Variants in PLAGL1 observed in about 807,000 individuals in gnomAD.
PLAGL1 encodes PLAG1 like zinc finger 1.
A neutral mutation model predicts 4.6 loss-of-function variants in PLAGL1; 1 was observed. That is an observed-to-expected ratio of 0.22 (90% CI 0.08 to 1.03). The LOEUF is 1.03. Ranked by LOEUF, PLAGL1 falls within the 50% of genes least tolerant of loss-of-function variation. The pLI is 0.58. For synonymous variants in PLAGL1, 240 were observed against 237.8 expected (o/e 1.01, Z -0.08); for missense variants, 464 against 570.4 (o/e 0.81, Z 1.90).
intron 1 of PLAGL1, among the ~76,000 whole-genome samples, chr6:143,996,403 T>G (rs1329555599): frequency 1.3e-5 from 2 of 152,220 alleles, no homozygotes; most frequent in East Asian, 3.8e-4. Flanking sequence ...TGGCAAAGAC[T>G]GCCAATTTTC....
rs1334842103 is a variant in PLAGL1 at position 143,975,185 on chromosome 6, T to G, written c.-543-6207A>C. 6.6e-6 allele frequency among the ~76,000 whole-genome samples: 1 copy of G among 152,172 alleles called. No homozygotes were observed. The highest frequency in any genetic ancestry group is 2.1e-4 in the South Asian group (1 of 4,826). On this transcript the variant is annotated intron_variant, in intron 2 of 7. Coordinates refer to ENST00000674357, the MANE Select transcript of PLAGL1 (RefSeq NM_001317162.2). The surrounding 1 kb of genome is among the most constrained non-coding windows in gnomAD (Gnocchi z 5.8). The stretch of plus-strand genomic sequence containing the variant: ...GCTGTTTCCATTACACCAGCTACCA[T>G]GTACTGGGGATATAATCATTCACTG...
Position 143,997,434 on chromosome 6 carries a change from G to GA in PLAGL1, c.-584+10655dup, listed in dbSNP as rs1791885290. On this transcript the variant is annotated intron_variant, in intron 1 of 7. Coordinates refer to ENST00000674357, the MANE Select transcript of PLAGL1 (RefSeq NM_001317162.2). The surrounding 1 kb of genome is among the most constrained non-coding windows in gnomAD (Gnocchi z 4.6). ...AATTGTGGTAATGGAGTCCTACTCAGAAAAAATACAAAAAGAACTACCTAT... is the reference window on the plus strand; with the variant it reads ...AATTGTGGTAATGGAGTCCTACTCAGAAAAAAATACAAAAAGAACTACCTAT... Among the ~76,000 whole-genome samples the GA allele has an allele frequency of 1.3e-5, 2 of 152,202 alleles. No individual in the cohort carries two copies. Among genetic ancestry groups the GA allele is most frequent in the South Asian group, 2.1e-4 (1 of 4,832 alleles).
intron 2 of PLAGL1, among the ~76,000 whole-genome samples, chr6:143,977,088 C>CG (rs1053801150): frequency 2.5e-4 from 37 of 146,816 alleles, no homozygotes; most frequent in African/African-American, 6.4e-4. Flanking sequence ...TCCCTTCCCC[C>CG]CCCCCAACAC....
At chr6:144,012,749 C>A (rs1292807668), upstream of PLAGL1, among the ~76,000 whole-genome samples, 2 of 152,210 alleles carry the variant, frequency 1.3e-5, no homozygotes, top group African/African-American at 4.8e-5. This position sits in a 1 kb window ranked among gnomAD's most constrained non-coding sequence, Gnocchi z 4.8. Flanking sequence ...CTCAATGACG[C>A]ATGCTTTGGC....
intron 1 of PLAGL1, among the ~76,000 whole-genome samples, chr6:144,046,960 G>A (rs552928778): frequency 5.9e-5 from 9 of 152,320 alleles, no homozygotes; most frequent in East Asian, 1.9e-4. Context: ...AGACTGCTGC[G>A]CTAGCAGTGA....
rs1268286885 is a variant in PLAGL1 at position 143,963,733 on chromosome 6, C to A, written c.-399+1054G>T. ...TGTTCTCAGAGATTAAGCTTTACAA[C>A]TTTATTGTCTCTCAAATCTATTTCC... On this transcript the variant is annotated intron_variant, in intron 5 of 7. Coordinates refer to ENST00000674357, the MANE Select transcript of PLAGL1 (RefSeq NM_001317162.2). This position sits in a 1 kb window ranked among gnomAD's most constrained non-coding sequence, Gnocchi z 6.1. Among the ~76,000 whole-genome samples, 2 of 152,200 alleles carry A rather than the reference C, an allele frequency of 1.3e-5. No homozygotes were observed. Among genetic ancestry groups the A allele is most frequent in the African/African-American group, 4.8e-5 (2 of 41,442 alleles).
rs1319611688 is a variant in PLAGL1 at position 144,034,946 on chromosome 6, C to G, written c.-151+29522G>C. Among the ~76,000 whole-genome samples, 1 of 152,114 alleles carries G rather than the reference C, an allele frequency of 6.6e-6. No homozygotes were observed. The highest frequency in any genetic ancestry group is 2.4e-5 in the African/African-American group (1 of 41,408). ...TTGGACAAAAATCTTTGAGTATTAA[C>G]TTGGAAATAAGGTAAATTGATGGAT... On this transcript the variant is annotated intron_variant, in intron 1 of 3. Coordinates refer to the PLAGL1 transcript ENST00000437412. This position sits in a 1 kb window ranked among gnomAD's most constrained non-coding sequence, Gnocchi z 4.7.
In PLAGL1 at chr6:143,963,244, A is replaced by G. The variant is rs1783739402; in HGVS notation, c.-399+1543T>C. 1.3e-5 allele frequency among the ~76,000 whole-genome samples: 2 copies of G among 152,346 alleles called. No homozygotes were observed. The highest frequency in any genetic ancestry group is 4.1e-4 in the South Asian group (2 of 4,826). ...AAGGTTACAATTACTCCTTGAAGTC[A>G]GAAGCCTCCCAAATCTCTATCTTCA... On this transcript the variant is annotated intron_variant, in intron 5 of 7. Coordinates refer to ENST00000674357, the MANE Select transcript of PLAGL1 (RefSeq NM_001317162.2). This position sits in a 1 kb window ranked among gnomAD's most constrained non-coding sequence, Gnocchi z 6.1.
chr6:144,002,486 T>A (rs960983844), intron 1 of PLAGL1, among the ~76,000 whole-genome samples: 10 of 152,112 alleles, frequency 6.6e-5, no homozygotes, highest in Non-Finnish European at 1.5e-4. Flanking sequence ...TTAAACCATT[T>A]TTTTTCCAGA....
At position 144,064,120 on chromosome 6, in the gene PLAGL1, C is replaced by G. The variant is rs897002551; in HGVS notation, c.-151+348G>C. Reference sequence around the variant, plus strand: ...CGCGCGGGGACAGTGGCCGGCGGGGCGGGCGCTAGGTGGCGGCTGTTCAGC... The same window carrying G: ...CGCGCGGGGACAGTGGCCGGCGGGGGGGGCGCTAGGTGGCGGCTGTTCAGC... On this transcript the variant is annotated intron_variant, in intron 1 of 3. Coordinates refer to the PLAGL1 transcript ENST00000437412. This position sits in a 1 kb window ranked among gnomAD's most constrained non-coding sequence, Gnocchi z 6.8. 1.2e-4 allele frequency among the ~76,000 whole-genome samples: 18 copies of G among 152,122 alleles called. No homozygotes were observed. The highest frequency in any genetic ancestry group is 2.1e-4 in the South Asian group (1 of 4,830).
At position 143,973,489 on chromosome 6, in the gene PLAGL1, C is replaced by T. The variant is rs1785811301; in HGVS notation, c.-543-4511G>A. On this transcript the variant is annotated intron_variant, in intron 2 of 7. Coordinates refer to ENST00000674357, the MANE Select transcript of PLAGL1 (RefSeq NM_001317162.2). The surrounding 1 kb of genome is among the most constrained non-coding windows in gnomAD (Gnocchi z 6.2). ...GGAGAAAACAAGCACGGGGGGAAGT[C>T]CTCTGCTTCTAGGGCCTGCTGAGCT... Among the ~76,000 whole-genome samples the T allele has an allele frequency of 6.6e-6, 1 of 152,146 alleles. No individual in the cohort carries two copies. Among genetic ancestry groups the T allele is most frequent in the Admixed American group, 6.5e-5 (1 of 15,272 alleles).
chr6:144,001,177 A>T (rs1434411614), intron 1 of PLAGL1, among the ~76,000 whole-genome samples: 3 of 107,960 alleles, frequency 2.8e-5, no homozygotes, highest in East Asian at 5.9e-4. Flanking sequence ...GAAATGATAA[A>T]AAAAAAAAAA....
chr6:144,061,107 G>GAC lies in PLAGL1; in HGVS notation c.-151+3359_-151+3360dup, dbSNP rs775587189. ...AATTGGAAGTGGAAAGGTACTGGGT[G>GAC]ACAGTGTGAGTAGAAGAGTTGTAAC... On this transcript the variant is annotated intron_variant, in intron 1 of 3. Transcript: ENST00000437412. The surrounding 1 kb of genome is among the most constrained non-coding windows in gnomAD (Gnocchi z 4.4). Among the ~76,000 whole-genome samples the GAC allele has an allele frequency of 7.2e-5, 11 of 152,252 alleles. No homozygotes were observed. Among genetic ancestry groups the GAC allele is most frequent in the Non-Finnish European group, 1.5e-4 (10 of 68,042 alleles).
In PLAGL1 at chr6:144,004,141, C is replaced by G. The variant is rs1793609714; in HGVS notation, c.-584+3949G>C. Among the ~76,000 whole-genome samples, 1 of 152,010 alleles carries G rather than the reference C, an allele frequency of 6.6e-6. No individual in the cohort carries two copies. The stretch of plus-strand genomic sequence containing the variant: ...TTTGTGGGCCATATGGCCTCTATAA[C>G]AACTACTCAACTCTGCCAAATGGGG... On this transcript the variant is annotated intron_variant, in intron 1 of 7. Transcript: ENST00000674357. This position sits in a 1 kb window ranked among gnomAD's most constrained non-coding sequence, Gnocchi z 4.2.
At chr6:144,030,366 G>C (rs1342907077) in intron 1 of PLAGL1, among the ~76,000 whole-genome samples, 2 of 150,138 alleles carry the variant, frequency 1.3e-5, no homozygotes, top group African/African-American at 4.9e-5. Context: ...TATTTCAATA[G>C]GTTTTTGGGG....
Position 144,055,581 on chromosome 6 carries a change from C to T in PLAGL1, c.-151+8887G>A, listed in dbSNP as rs890250058. Reference sequence around the variant, plus strand: ...TCCAGTCTCATCTCAACAGTCTCTTCCATTGATGGCCCTTGTGCTGGTCCA... The same window carrying T: ...TCCAGTCTCATCTCAACAGTCTCTTTCATTGATGGCCCTTGTGCTGGTCCA... On this transcript the variant is annotated intron_variant, in intron 1 of 3. Transcript: ENST00000437412. This position sits in a 1 kb window ranked among gnomAD's most constrained non-coding sequence, Gnocchi z 5.0. 6.6e-6 allele frequency among the ~76,000 whole-genome samples: 1 copy of T among 152,168 alleles called. No homozygotes were observed. Among genetic ancestry groups the T allele is most frequent in the African/African-American group, 2.4e-5 (1 of 41,428 alleles).
At chr6:144,017,532 C>T (rs901983611) in intron 1 of PLAGL1, among the ~76,000 whole-genome samples, 2 of 152,198 alleles carry the variant, frequency 1.3e-5, no homozygotes, top group Non-Finnish European at 2.9e-5. Flanking sequence ...TCCTACTTTA[C>T]GTGATAAAGT....
rs1346064942 is a variant in PLAGL1 at position 143,959,096 on chromosome 6, C to T, written c.-325+1373G>A. 1.3e-5 allele frequency among the ~76,000 whole-genome samples: 2 copies of T among 152,220 alleles called. No homozygotes were observed. Among genetic ancestry groups the T allele is most frequent in the Admixed American group, 1.3e-4 (2 of 15,288 alleles). On this transcript the variant is annotated intron_variant, in intron 6 of 7. Coordinates refer to ENST00000674357, the MANE Select transcript of PLAGL1 (RefSeq NM_001317162.2). The surrounding 1 kb of genome is among the most constrained non-coding windows in gnomAD (Gnocchi z 5.3). ...TCATGTGCTGCTCTGCGCTCCCCGT[C>T]GCCCCGGAGGCCGGCACCTTGCTCA... is the stretch of plus-strand genomic sequence containing the variant.
chr6:144,049,078 G>A (rs1381400420), intron 1 of PLAGL1, among the ~76,000 whole-genome samples: 1 of 152,198 alleles, frequency 6.6e-6, no homozygotes, highest in Admixed American at 6.5e-5. Flanking sequence ...CAGATCTCTA[G>A]GGCAGGGGCA....
Sources: gnomAD v4.1 joint callset for allele counts (sites outside exome capture counted in the v4.1 genomes callset) on GRCh38, gnomAD v4.1.1 for gene constraint, Gnocchi (gnomAD v3.1) non-coding constraint, MANE v1.5 for transcripts, NCBI Gene and HGNC (gene_info 2026-07-23, HGNC 2026-07-21) for gene names.